The following PCBP3 variants were observed in gnomAD, a reference collection of about 807,000 sequenced individuals.
PCBP3 encodes the protein poly(rC) binding protein 3.
In PCBP3, 25 loss-of-function variants were observed where a neutral mutation model predicts 52.7. The observed-to-expected ratio is 0.47, with a 90% CI of 0.35 to 0.66. The LOEUF is 0.66. Among genes scored for constraint, PCBP3 ranks in the 30% least tolerant of loss-of-function variants. The pLI is 0.01. For synonymous variants in PCBP3, 162 were observed against 183.0 expected (o/e 0.89, Z 0.93); for missense variants, 391 against 490.3 (o/e 0.80, Z 1.91).
chr21:45,917,908 A>G lies in PCBP3; in HGVS notation c.717+279A>G. The G allele has an allele frequency of 2.1e-6, 1 of 471,244 alleles. No homozygotes were observed. The highest frequency in any genetic ancestry group is 4.0e-6 in the Non-Finnish European group (1 of 252,062). The allele number at this position is 471,244 out of a possible 1,614,324, so 29.2% of individuals were successfully genotyped here. On this transcript the variant is annotated intron_variant, in intron 13 of 17. Transcript: ENST00000681687. The surrounding 1 kb of genome is among the most constrained non-coding windows in gnomAD (Gnocchi z 5.3). ...TCCCACGGGGCCTGGGAGGGAACTG[A>G]GACGGGCTCTGTCCCCGTGCAGGGC...
At chr21:45,712,680 G>C (rs963531683) in intron 2 of PCBP3, among the ~76,000 whole-genome samples, 5 of 151,708 alleles carry the variant, frequency 3.3e-5, no homozygotes, top group Non-Finnish European at 7.4e-5. Context: ...TACATTTCTT[G>C]TGAGGGTTGC....
In PCBP3 at chr21:45,746,038, G is replaced by A. The variant is rs910336914; in HGVS notation, c.-161-9379G>A. ...GTCAGTCCATTGACGTAGCACACAC[G>A]GTGTTGTGTCAGCATCGCCGTGTCA... On this transcript the variant is annotated intron_variant, in intron 3 of 17. Coordinates refer to ENST00000681687, the MANE Select transcript of PCBP3 (RefSeq NM_001384156.1). 3.0e-4 allele frequency among the ~76,000 whole-genome samples: 44 copies of A among 146,694 alleles called. 1 individual carries two copies. Among genetic ancestry groups the A allele is most frequent in the Non-Finnish European group, 5.9e-4 (39 of 66,494 alleles).
Position 45,791,536 on chromosome 21 carries a change from G to A in PCBP3, c.-126+36084G>A, listed in dbSNP as rs1211227029. ...GGCAGAGAGGAGACGATGGTCTCGC[G>A]GCGTGATCTGGGCTAGGGAAGGAGA... On this transcript the variant is annotated intron_variant, in intron 4 of 17. Transcript: ENST00000681687. The surrounding 1 kb of genome is among the most constrained non-coding windows in gnomAD (Gnocchi z 4.2). 6.6e-6 allele frequency among the ~76,000 whole-genome samples: 1 copy of A among 152,194 alleles called. No individual in the cohort carries two copies. The highest frequency in any genetic ancestry group is 1.5e-5 in the Non-Finnish European group (1 of 68,040).
chr21:45,708,547 G>A (rs191514244), intron 2 of PCBP3, among the ~76,000 whole-genome samples: 3 of 152,058 alleles, frequency 2.0e-5, no homozygotes, highest in East Asian at 3.8e-4. Flanking sequence ...AAAGTGAAAG[G>A]GATCACTTGT....
chr21:45,703,612 G>T (rs1013746375), intron 2 of PCBP3, among the ~76,000 whole-genome samples: 2 of 152,144 alleles, frequency 1.3e-5, no homozygotes, highest in Non-Finnish European at 1.5e-5. Context: ...GCCATTGCAG[G>T]GTTTAGAGCA....
At chr21:45,851,192 T>G (rs1284402044) in intron 5 of PCBP3, among the ~76,000 whole-genome samples, 1 of 152,196 alleles carries the variant, frequency 6.6e-6, no homozygotes, top group Non-Finnish European at 1.5e-5. Context: ...GTTTTGTGTT[T>G]TAGAGTCAAT....
At chr21:45,784,379 T>TCTACCG (rs1569217769) in intron 4 of PCBP3, among the ~76,000 whole-genome samples, 3 of 147,584 alleles carry the variant, frequency 2.0e-5, no homozygotes, top group East Asian at 2.0e-4. Flanking sequence ...TACCTCTACC[T>TCTACCG]CTACCTCTAC....
At chr21:45,775,919 C>T (rs2090217359) in intron 4 of PCBP3, among the ~76,000 whole-genome samples, 1 of 152,100 alleles carries the variant, frequency 6.6e-6, no homozygotes, top group South Asian at 2.1e-4. Flanking sequence ...CCTTGAGATG[C>T]ATTATTAGAC....
At chr21:45,938,022 C>T (rs1299144714) in intron 16 of PCBP3, among the ~76,000 whole-genome samples, 1 of 152,206 alleles carries the variant, frequency 6.6e-6, no homozygotes, top group African/African-American at 2.4e-5. Context: ...GCACCCTGAG[C>T]AGCACATTGC....
intron 4 of PCBP3, among the ~76,000 whole-genome samples, chr21:45,785,381 G>A (rs2091047393): frequency 6.8e-6 from 1 of 147,422 alleles, no homozygotes; most frequent in Non-Finnish European, 1.5e-5. Flanking sequence ...CCATCCGGGA[G>A]GTGAGGGGCG....
At chr21:45,659,653 A>G (rs2080257400) in intron 1 of PCBP3, among the ~76,000 whole-genome samples, 1 of 152,062 alleles carries the variant, frequency 6.6e-6, no homozygotes, top group South Asian at 2.1e-4. Flanking sequence ...GCCTGGCCTC[A>G]TTTTTAATGA....
intron 13 of PCBP3, among the ~76,000 whole-genome samples, chr21:45,923,877 G>A (rs1221365615): frequency 1.1e-4 from 10 of 92,424 alleles, no homozygotes; most frequent in African/African-American, 3.7e-4. Context: ...ACGTAAGATC[G>A]GGTGTGCACG....
chr21:45,940,260 C>T, intron 17 of PCBP3, 61 bp downstream of exon 17: 2 of 1,480,532 alleles, frequency 1.4e-6, no homozygotes, highest in South Asian at 1.2e-5. Context: ...GCCGGCGTTA[C>T]ATCACCTGGA....
intron 2 of PCBP3, among the ~76,000 whole-genome samples, chr21:45,715,887 A>T (rs1375917469): frequency 6.6e-6 from 1 of 152,014 alleles, no homozygotes; most frequent in Non-Finnish European, 1.5e-5. Flanking sequence ...CTAGTTCCTT[A>T]TTAGATTTGC....
At chr21:45,762,248 C>T (rs2088751475) in intron 4 of PCBP3, 1 of 152,240 alleles carries the variant, frequency 6.6e-6, no homozygotes, top group Non-Finnish European at 1.5e-5. Flanking sequence ...CTCAGCCCAG[C>T]ACCTTGCGGC....
chr21:45,798,831 TAG>T (rs2092152046), intron 4 of PCBP3, among the ~76,000 whole-genome samples: 1 of 149,632 alleles, frequency 6.7e-6, no homozygotes, highest in East Asian at 2.0e-4. Flanking sequence ...CATGGATCCG[TAG>T]AGAGAGTGAA....
intron 4 of PCBP3, among the ~76,000 whole-genome samples, chr21:45,839,746 G>T (rs1339820870): frequency 6.6e-6 from 1 of 152,156 alleles, no homozygotes; most frequent in African/African-American, 2.4e-5. Flanking sequence ...GAGGGCAGTG[G>T]TACGAACTCG....
At chr21:45,939,478 C>T (rs1195883735) in intron 16 of PCBP3, among the ~76,000 whole-genome samples, 4 of 152,248 alleles carry the variant, frequency 2.6e-5, no homozygotes, top group Admixed American at 2.6e-4. Flanking sequence ...AGGAGGCACC[C>T]GAATGGCCTC....
intron 5 of PCBP3, among the ~76,000 whole-genome samples, chr21:45,892,893 C>T (rs1004229937): frequency 3.9e-5 from 6 of 152,214 alleles, no homozygotes; most frequent in Non-Finnish European, 8.8e-5. Flanking sequence ...CATGGCTGTG[C>T]GTCAGGGCCA....
Sources: gnomAD v4.1 joint callset for allele counts (sites outside exome capture counted in the v4.1 genomes callset) on GRCh38, gnomAD v4.1.1 for gene constraint, Gnocchi (gnomAD v3.1) non-coding constraint, MANE v1.5 for transcripts, NCBI Gene and HGNC (gene_info 2026-07-23, HGNC 2026-07-21) for gene names.